The following ABCA5 variants were observed in gnomAD, a reference collection of about 807,000 sequenced individuals.
The protein encoded by ABCA5 is ATP binding cassette subfamily A member 5.
ABCA5 carries 163 observed loss-of-function variants against 206.0 expected under a neutral mutation model. The ratio of observed to expected loss-of-function variants is 0.79; its 90% CI spans 0.70 to 0.90. ABCA5 has a LOEUF of 0.90. Ranked by LOEUF, ABCA5 falls within the 40% of genes least tolerant of loss-of-function variation. The pLI is 0.00. For synonymous variants in ABCA5, 609 were observed against 613.8 expected, an observed-to-expected ratio of 0.99 and a Z score of 0.11; for missense variants, 1,859 against 1,912.9, an observed-to-expected ratio of 0.97 and a Z score of 0.53.
At chr17:69,296,023 C>G (rs1012600768) in intron 10 of ABCA5, among the ~76,000 whole-genome samples, 5 of 152,274 alleles carry the variant, frequency 3.3e-5, no homozygotes, top group Admixed American at 2.0e-4. Flanking sequence ...GCCAACCCAA[C>G]TTCTAAAACT....
chr17:69,260,369 G>A lies in ABCA5; in HGVS notation c.3608C>T (p.Pro1203Leu), dbSNP rs763273648. 6.2e-7 allele frequency: 1 copy of A among 1,607,190 alleles called. No individual in the cohort carries two copies. The highest frequency in any genetic ancestry group is 1.3e-5 in the African/African-American group (1 of 74,534). ...NVRKNVDTYN[P>L]WDRLSVAVIS... ...AACAGCTACTGAAAGCCTATCCCAT[G>A]GATTATAGGTGTCCACATTTTTTCG... is the stretch of plus-strand genomic sequence containing the variant. Residue 1203 changes from proline (P) to leucine (L), a missense_variant, in exon 27 of 39, where the codon CCA becomes CTA. Pro to Leu is a moderately conservative substitution (Grantham distance 98). Coordinates refer to ENST00000392676, the MANE Select transcript of ABCA5 (RefSeq NM_172232.4).
In ABCA5 at chr17:69,326,210, C is replaced by T. The variant is rs145435543; in HGVS notation, c.-16+842G>A. Among the ~76,000 whole-genome samples the T allele has an allele frequency of 2.7e-3, 409 of 152,284 alleles. 2 individuals carry two copies. Among genetic ancestry groups the T allele is most frequent in the African/African-American group, 9.1e-3 (379 of 41,562 alleles). ...CACACCTGCCCAACTGGAATAACCC[C>T]CTCCAATCCTACAGGGTTGCTGTCA... On this transcript the variant is annotated intron_variant, in intron 1 of 38. Coordinates refer to ENST00000392676, the MANE Select transcript of ABCA5 (RefSeq NM_172232.4). The surrounding 1 kb of genome is among the most constrained non-coding windows in gnomAD (Gnocchi z 4.8).
At chr17:69,255,921 C>G in intron 29 of ABCA5, 71 bp from the exon 30 acceptor site, 1 of 1,274,142 alleles carries the variant, frequency 7.8e-7, no homozygotes, top group Non-Finnish European at 1.1e-6. Context: ...GCACATACCT[C>G]ATATCCATAT....
In ABCA5 at chr17:69,254,488, T is replaced by C; in HGVS notation, c.4071A>G (p.Val1357=). ...VGDIEPTSGQ[V]FLGDYSSETS... ...TCTCTGAAGAATAATCTCCTAAAAA[T>C]ACCTATAGAAACACAAACCAATTTT... is the stretch of plus-strand genomic sequence containing the variant. The change falls in exon 32 of 39, where the codon GTA becomes GTG. Residue 1357 remains valine (V), a splice_region_variant and synonymous_variant. Transcript: ENST00000392676. The C allele has an allele frequency of 6.2e-7, 1 of 1,609,724 alleles. No individual in the cohort carries two copies. The highest frequency in any genetic ancestry group is 2.2e-5 in the East Asian group (1 of 44,664).
Position 69,255,783 on chromosome 17 carries a change from C to T in ABCA5, c.3926G>A (p.Arg1309Lys), listed in dbSNP as rs370467628. ...TTTAGTTGCCACTTTCTTTACTTTT[C>T]TTGAAAGAAGAAAATCTTTCTTGTC... is the stretch of plus-strand genomic sequence containing the variant. Reference protein sequence around the residue: ...YDDKKDFLLSRKVKKVATKYI... With the variant: ...YDDKKDFLLSKKVKKVATKYI... Residue 1309 changes from arginine (R) to lysine (K), a missense_variant, in exon 30 of 39, where the codon AGA (arginine) becomes AAA (lysine). Transcript: ENST00000392676. The T allele has an allele frequency of 6.3e-7, 1 of 1,598,756 alleles. No individual in the cohort carries two copies. Among genetic ancestry groups the T allele is most frequent in the Non-Finnish European group, 8.5e-7 (1 of 1,174,480 alleles).
intron 7 of ABCA5, 27 bp from the exon 8 acceptor site, chr17:69,302,933 T>C: frequency 4.5e-6 from 6 of 1,336,848 alleles, no homozygotes; most frequent in Non-Finnish European, 6.0e-6. Context: ...TTAAGGTTAG[T>C]GCAATGTTCA....
At chr17:69,312,291 T>C (rs1333271702) in intron 3 of ABCA5, among the ~76,000 whole-genome samples, 1 of 152,120 alleles carries the variant, frequency 6.6e-6, no homozygotes, top group African/African-American at 2.4e-5. Context: ...GAAGTGCACA[T>C]TGAGAAAAAA....
chr17:69,255,864 T>A lies in ABCA5; in HGVS notation c.3859-14A>T, dbSNP rs778872840. 6.6e-7 allele frequency: 1 copy of A among 1,522,898 alleles called. No individual in the cohort carries two copies. Among genetic ancestry groups the A allele is most frequent in the Non-Finnish European group, 8.9e-7 (1 of 1,127,432 alleles). The allele number at this position is 1,522,898 out of a possible 1,614,324, so 94.3% of individuals were successfully genotyped here. ...AATGGATGGTTTCTAATAAGAAAAA[T>A]TGTATTTAAAAAGAAAGTTATAAAA... On this transcript the variant is annotated splice_polypyrimidine_tract_variant and intron_variant, in intron 29 of 38. Coordinates refer to ENST00000392676, the MANE Select transcript of ABCA5 (RefSeq NM_172232.4).
intron 20 of ABCA5, 94 bp from the exon 21 acceptor site, chr17:69,271,383 T>G (rs180696357): frequency 1.4e-5 from 18 of 1,327,600 alleles, no homozygotes; most frequent in African/African-American, 1.4e-4. Context: ...AGAAATATTT[T>G]ATTTTCATTA....
At chr17:69,277,242 A>G (rs146333123) in intron 19 of ABCA5, among the ~76,000 whole-genome samples, 1 of 152,314 alleles carries the variant, frequency 6.6e-6, no homozygotes, top group African/African-American at 2.4e-5. Flanking sequence ...AAAACTAACT[A>G]ATAGACGCAA....
Position 69,261,206 on chromosome 17 carries a change from T to C in ABCA5, c.3483A>G (p.Thr1161=). Residue 1161 remains threonine, a synonymous_variant, in exon 26 of 39, where the codon ACA becomes ACG. Coordinates refer to ENST00000392676, the MANE Select transcript of ABCA5 (RefSeq NM_172232.4). ...ITEITFFMGY[T]IATILHYAFC... ...AGGCATAATGAAGAATAGTTGCAAT[T>C]GTGTATCCCATAAAGAAAGTTATTT... The C allele has an allele frequency of 6.2e-7, 1 of 1,609,270 alleles. No individual in the cohort carries two copies. Among genetic ancestry groups the C allele is most frequent in the Non-Finnish European group, 8.5e-7 (1 of 1,177,570 alleles).
intron 3 of ABCA5, 123 bp downstream of exon 3, chr17:69,312,969 A>G: frequency 4.1e-6 from 2 of 492,828 alleles, no homozygotes; most frequent in Non-Finnish European, 6.7e-6. Context: ...TTTTTATAAA[A>G]CTGACTTTGG....
intron 2 of ABCA5, 58 bp from the exon 3 acceptor site, chr17:69,313,354 A>G (rs2075788198): frequency 1.2e-6 from 1 of 809,394 alleles, no homozygotes; most frequent in South Asian, 2.1e-5. Context: ...AAAATCATCA[A>G]GATTTCTTGG....
chr17:69,294,860 C>T (rs1018167488), intron 10 of ABCA5, 147 bp from the exon 11 acceptor site: 3 of 529,066 alleles, frequency 5.7e-6, no homozygotes, highest in Non-Finnish European at 9.4e-6. Flanking sequence ...AACAATGAAC[C>T]AAATAATGTT....
intron 24 of ABCA5, among the ~76,000 whole-genome samples, chr17:69,263,127 G>A (rs1382514128): frequency 6.6e-6 from 1 of 152,052 alleles, no homozygotes; most frequent in Non-Finnish European, 1.5e-5. Flanking sequence ...TATAGATTCT[G>A]GATACTTGGC....
chr17:69,282,034 T>C (rs534395564), intron 18 of ABCA5, among the ~76,000 whole-genome samples: 3 of 152,266 alleles, frequency 2.0e-5, no homozygotes, highest in African/African-American at 7.2e-5. Context: ...CTCATGTTCT[T>C]ACCGTAAACT....
chr17:69,250,452 C>G lies in ABCA5; in HGVS notation c.4685+20G>C. 6.3e-7 allele frequency: 1 copy of G among 1,589,382 alleles called. No individual in the cohort carries two copies. Among genetic ancestry groups the G allele is most frequent in the Non-Finnish European group, 8.5e-7 (1 of 1,170,882 alleles). On this transcript the variant is annotated intron_variant, in intron 36 of 38. Transcript: ENST00000392676. ...CCTTTGCTCTATAAAGAAATATAAC[C>G]ACATTCTTTAAAATTTTACCTTTCC...
intron 23 of ABCA5, among the ~76,000 whole-genome samples, chr17:69,265,144 A>C (rs962228390): frequency 6.6e-6 from 1 of 152,146 alleles, no homozygotes; most frequent in Non-Finnish European, 1.5e-5. Flanking sequence ...ATCAGAATAC[A>C]GTAGTGCTGC....
chr17:69,264,999 TC>T, intron 23 of ABCA5, 94 bp from the exon 24 acceptor site: 1 of 878,256 alleles, frequency 1.1e-6, no homozygotes, highest in Non-Finnish European at 1.6e-6. Flanking sequence ...TAATTTTACA[TC>T]AGCAAAACCA....
Sources: gnomAD v4.1 joint callset for allele counts (sites outside exome capture counted in the v4.1 genomes callset) on GRCh38, gnomAD v4.1.1 for gene constraint, Gnocchi (gnomAD v3.1) non-coding constraint, MANE v1.5 for transcripts, NCBI Gene and HGNC (gene_info 2026-07-23, HGNC 2026-07-21) for gene names.